DTD1: variants seen among roughly 807,000 people sequenced by gnomAD.
DTD1 encodes the protein D-aminoacyl-tRNA deacylase 1.
In DTD1, 13 loss-of-function variants were observed where a neutral mutation model predicts 25.6. The observed-to-expected ratio is 0.51, with a 90% confidence interval of 0.33 to 0.81. The LOEUF is 0.81. Among genes scored for constraint, DTD1 ranks in the 30% least tolerant of loss-of-function variants. The probability of loss-of-function intolerance (pLI) is 0.02; values close to 1 mark genes in which losing one functional copy is unlikely to be tolerated. For synonymous variants in DTD1, 110 were observed against 103.6 expected, an observed-to-expected ratio of 1.06 and a Z score of -0.37; for missense variants, 193 against 266.4, an observed-to-expected ratio of 0.72 and a Z score of 1.92.
chr20:18,681,831 T>G (rs2060998329), intron 4 of DTD1, among the ~76,000 whole-genome samples: 1 of 152,214 alleles, frequency 6.6e-6, no homozygotes, highest in African/African-American at 2.4e-5. Context: ...GATCTACATA[T>G]AGAACAGAAG....
At position 18,749,854 on chromosome 20, in the gene DTD1, G is replaced by A. The variant is rs2061315295; in HGVS notation, c.*19+5583G>A. 6.6e-6 allele frequency among the ~76,000 whole-genome samples: 1 copy of A among 152,230 alleles called. No homozygotes were observed. The highest frequency in any genetic ancestry group is 1.5e-5 in the Non-Finnish European group (1 of 68,036). On this transcript the variant is annotated intron_variant, in intron 5 of 5. Transcript: ENST00000377452. The surrounding 1 kb of genome is among the most constrained non-coding windows in gnomAD (Gnocchi z 4.2). ...CCCCTATTGCTACTCAGCGCATGGA[G>A]GCTCATGAACAAGTTTAGATCGGCC...
chr20:18,678,832 C>T (rs2122406954), intron 4 of DTD1: 1 of 152,226 alleles, frequency 6.6e-6, no homozygotes, highest in East Asian at 1.9e-4. Flanking sequence ...CTATCACATT[C>T]CTTGATAGAG....
chr20:18,739,166 G>C (rs1174421841), intron 4 of DTD1, among the ~76,000 whole-genome samples: 2 of 152,202 alleles, frequency 1.3e-5, no homozygotes, highest in African/African-American at 4.8e-5. Flanking sequence ...AACTCATTTT[G>C]CTTCCTGGCT....
At chr20:18,693,047 C>T (rs1347194637) in intron 4 of DTD1, among the ~76,000 whole-genome samples, 2 of 151,954 alleles carry the variant, frequency 1.3e-5, no homozygotes, top group African/African-American at 2.4e-5. Context: ...CGTGTCACCA[C>T]GCCTGGCTAA....
At chr20:18,632,573 G>A in intron 4 of DTD1, 5 of 985,304 alleles carry the variant, frequency 5.1e-6, no homozygotes, top group Middle Eastern at 5.2e-4. Flanking sequence ...AGATAAACAC[G>A]TGTTTCTATC....
chr20:18,648,197 A>G (rs547996344), intron 4 of DTD1, among the ~76,000 whole-genome samples: 5 of 152,320 alleles, frequency 3.3e-5, no homozygotes, highest in African/African-American at 9.6e-5. Flanking sequence ...TGGGAGGCCA[A>G]CTGCAGGATC....
At chr20:18,686,687 G>C (rs2061018400) in intron 4 of DTD1, among the ~76,000 whole-genome samples, 1 of 150,802 alleles carries the variant, frequency 6.6e-6, no homozygotes, top group African/African-American at 2.5e-5. Flanking sequence ...GTGTGTGTGT[G>C]CATGTGCATT....
intron 4 of DTD1, among the ~76,000 whole-genome samples, chr20:18,686,472 A>T (rs184319391): frequency 8.4e-4 from 128 of 152,320 alleles, no homozygotes; most frequent in Middle Eastern, 3.4e-3. Flanking sequence ...CAAAAAGTTT[A>T]TAATTTACCT....
At chr20:18,621,777 T>G (rs1487083438) in intron 3 of DTD1, among the ~76,000 whole-genome samples, 6 of 152,142 alleles carry the variant, frequency 3.9e-5, no homozygotes, top group African/African-American at 1.4e-4. Flanking sequence ...TTAAAAAAAT[T>G]TTTTTGGCCA....
intron 4 of DTD1, among the ~76,000 whole-genome samples, chr20:18,730,558 GCTCTT>G (rs940807393): frequency 1.3e-5 from 2 of 152,078 alleles, no homozygotes; most frequent in African/African-American, 4.8e-5. Context: ...ATGAAGTTGA[GCTCTT>G]CTTTTCCACA....
chr20:18,677,706 A>C (rs1322292673), intron 4 of DTD1, among the ~76,000 whole-genome samples: 1 of 152,198 alleles, frequency 6.6e-6, no homozygotes, highest in East Asian at 1.9e-4. Context: ...GTTTCAGTTT[A>C]CTGATGCAGA....
At chr20:18,598,894 A>G (rs989783028) in intron 3 of DTD1, among the ~76,000 whole-genome samples, 1 of 151,918 alleles carries the variant, frequency 6.6e-6, no homozygotes, top group Admixed American at 6.6e-5. Flanking sequence ...TCAACCACTG[A>G]TCTTTTTACT....
In DTD1 at chr20:18,765,047, A is replaced by G. The variant is rs1034869859; in HGVS notation, c.*1707A>G. 1 of 152,130 alleles carries G rather than the reference A, an allele frequency of 6.6e-6. No homozygotes were observed. The highest frequency in any genetic ancestry group is 1.5e-5 in the Non-Finnish European group (1 of 68,042). The allele number at this position is 152,130 out of a possible 1,614,324, so 9.4% of individuals were successfully genotyped here. A position where few individuals can be genotyped will look rare whatever the true frequency, so the allele number is the denominator to read the frequency against. On this transcript the variant is annotated 3_prime_UTR_variant, in exon 6 of 6. Transcript: ENST00000377452. Reference sequence around the variant, plus strand: ...ACGACCTAAGGATCATGACATTTGGATGGTGGTAAAATGCTAAAGGCCTTT... The same window carrying G: ...ACGACCTAAGGATCATGACATTTGGGTGGTGGTAAAATGCTAAAGGCCTTT...
chr20:18,625,391 T>G (rs1289175473), intron 3 of DTD1, among the ~76,000 whole-genome samples: 1 of 152,230 alleles, frequency 6.6e-6, no homozygotes, highest in Non-Finnish European at 1.5e-5. Flanking sequence ...CCCAGAGCCC[T>G]TGCCTCAGCT....
chr20:18,642,281 C>G (rs1398986975), intron 4 of DTD1, among the ~76,000 whole-genome samples: 1 of 152,086 alleles, frequency 6.6e-6, no homozygotes, highest in African/African-American at 2.4e-5. Flanking sequence ...CATAATTTAC[C>G]AGTTATCCCA....
chr20:18,664,377 G>A (rs2060923296), intron 4 of DTD1, among the ~76,000 whole-genome samples: 7 of 152,212 alleles, frequency 4.6e-5, no homozygotes, highest in Admixed American at 4.6e-4. Context: ...CCCACTCATA[G>A]AGTCTTCTAG....
chr20:18,708,441 C>T (rs576406608), intron 4 of DTD1, among the ~76,000 whole-genome samples: 3 of 142,450 alleles, frequency 2.1e-5, no homozygotes, highest in Non-Finnish European at 4.5e-5. Context: ...CTGCAACCTT[C>T]ACCTCCCTGG....
intron 3 of DTD1, among the ~76,000 whole-genome samples, chr20:18,597,154 A>AGTGTGTGT (rs4052788): frequency 1.0e-3 from 147 of 143,564 alleles, no homozygotes; most frequent in African/African-American, 2.1e-3. Flanking sequence ...GATGAGAGAA[A>AGTGTGTGT]GTGTGTGTGT....
chr20:18,692,967 C>G (rs1464647146), intron 4 of DTD1, among the ~76,000 whole-genome samples: 1 of 139,956 alleles, frequency 7.1e-6, no homozygotes, highest in African/African-American at 2.6e-5. Flanking sequence ...AATCTCAGCT[C>G]ACTCACTCCA....
Sources: gnomAD v4.1 joint callset for allele counts (sites outside exome capture counted in the v4.1 genomes callset) on GRCh38, gnomAD v4.1.1 for gene constraint, Gnocchi (gnomAD v3.1) non-coding constraint, MANE v1.5 for transcripts, NCBI Gene and HGNC (gene_info 2026-07-23, HGNC 2026-07-21) for gene names.